Variants in HM13 observed in about 807,000 individuals in gnomAD.
HM13 encodes the protein histocompatibility minor 13, also known as signal peptide peptidase.
In HM13, 18 loss-of-function variants were observed where a neutral mutation model predicts 50.0. The observed-to-expected ratio is 0.36, with a 90% CI of 0.25 to 0.53. The LOEUF (loss-of-function observed/expected upper bound fraction) is 0.53. HM13 is among the 20% of genes least tolerant of loss of function. The probability of loss-of-function intolerance (pLI) is 0.90; values close to 1 mark genes in which losing one functional copy is unlikely to be tolerated. For missense variants in HM13, 393 were observed against 552.4 expected, an observed-to-expected ratio of 0.71 and a Z score of 2.89; for synonymous variants, 197 against 232.6, an observed-to-expected ratio of 0.85 and a Z score of 1.39.
At chr20:31,521,459 C>G (rs1428278866) in intron 1 of HM13, among the ~76,000 whole-genome samples, 2 of 152,152 alleles carry the variant, frequency 1.3e-5, no homozygotes, top group Non-Finnish European at 2.9e-5. Context: ...GGCGTGATGG[C>G]TCACGCCTGT....
At chr20:31,537,510 A>G (rs1024725130) in intron 2 of HM13, among the ~76,000 whole-genome samples, 2 of 152,246 alleles carry the variant, frequency 1.3e-5, no homozygotes, top group Non-Finnish European at 2.9e-5. Context: ...GATAGTAACA[A>G]ATTCATCAGG....
At chr20:31,522,685 TAC>T (rs1350311534) in intron 1 of HM13, among the ~76,000 whole-genome samples, 8 of 152,194 alleles carry the variant, frequency 5.3e-5, no homozygotes, top group Admixed American at 2.6e-4. Context: ...CTGACTCCCT[TAC>T]TTCTCTGCAG....
At chr20:31,519,347 C>A (rs1409187331) in intron 1 of HM13, among the ~76,000 whole-genome samples, 1 of 152,220 alleles carries the variant, frequency 6.6e-6, no homozygotes, top group Non-Finnish European at 1.5e-5. Flanking sequence ...GTGATCCACC[C>A]GCCTTGGCCT....
intron 7 of HM13, among the ~76,000 whole-genome samples, chr20:31,552,457 G>A (rs186887707): frequency 1.7e-4 from 26 of 152,298 alleles, no homozygotes; most frequent in African/African-American, 4.6e-4. Flanking sequence ...GTAGGCCACT[G>A]GAAGACTCCG....
chr20:31,529,310 A>G (rs1053014799), intron 2 of HM13, among the ~76,000 whole-genome samples: 6 of 151,478 alleles, frequency 4.0e-5, no homozygotes, highest in East Asian at 2.0e-4. Flanking sequence ...CCATAGTGCA[A>G]TCATGGCTCA....
intron 1 of HM13, among the ~76,000 whole-genome samples, chr20:31,517,047 G>A (rs940751943): frequency 2.6e-5 from 4 of 152,146 alleles, no homozygotes; most frequent in African/African-American, 9.7e-5. Context: ...AAGACAAGCA[G>A]CATTGACCTA....
chr20:31,551,712 C>T (rs1434538569), intron 7 of HM13, among the ~76,000 whole-genome samples: 1 of 152,194 alleles, frequency 6.6e-6, no homozygotes, highest in East Asian at 1.9e-4. Flanking sequence ...GAAGCACTGG[C>T]TCGTGGCGAC....
At chr20:31,523,226 T>C (rs1040770125) in intron 1 of HM13, among the ~76,000 whole-genome samples, 1 of 151,820 alleles carries the variant, frequency 6.6e-6, no homozygotes, top group Non-Finnish European at 1.5e-5. Flanking sequence ...AATTTTTGTA[T>C]TTTTAGTAGA....
intron 3 of HM13, among the ~76,000 whole-genome samples, chr20:31,543,441 A>G (rs1983554362): frequency 6.6e-6 from 1 of 151,874 alleles, no homozygotes; most frequent in Non-Finnish European, 1.5e-5. Context: ...ACCTGCCACC[A>G]CGCCGGGCTA....
Position 31,562,114 on chromosome 20 carries a change from G to A in HM13, c.948+378G>A, listed in dbSNP as rs1189069549. ...TCTCAGCCTTGGTAGTGGGAAGCAG[G>A]CAGAGAAGAACAGGATTGGAGTGGG... is the stretch of plus-strand genomic sequence containing the variant. On this transcript the variant is annotated intron_variant, in intron 10 of 12. Transcript: ENST00000398174. Among the ~76,000 whole-genome samples the A allele has an allele frequency of 2.0e-5, 3 of 152,220 alleles. No individual in the cohort carries two copies. In the East Asian group the frequency reaches 5.8e-4, roughly 29 times the overall value.
chr20:31,526,403 C>T (rs924038296), intron 1 of HM13, among the ~76,000 whole-genome samples: 4 of 151,960 alleles, frequency 2.6e-5, no homozygotes, highest in Non-Finnish European at 4.4e-5. Context: ...GTGATCCACC[C>T]GCCTCGGCCT....
intron 9 of HM13, 143 bp from the exon 10 acceptor site, chr20:31,561,491 C>G (rs1984608070): frequency 1.5e-6 from 1 of 655,098 alleles, no homozygotes. Flanking sequence ...TATCAGCGTG[C>G]ACACCCACCT....
intron 8 of HM13, among the ~76,000 whole-genome samples, chr20:31,557,047 G>A (rs1159862359): frequency 6.6e-6 from 1 of 151,924 alleles, no homozygotes; most frequent in East Asian, 1.9e-4. Flanking sequence ...AATGGTGCTA[G>A]GTACTTTTTA....
At chr20:31,564,894 G>C (rs908530319) in intron 10 of HM13, among the ~76,000 whole-genome samples, 1 of 151,046 alleles carries the variant, frequency 6.6e-6, no homozygotes, top group African/African-American at 2.4e-5. Context: ...GGCCAGGCGC[G>C]GTGTCTCACG....
At chr20:31,525,999 G>T (rs1479301039) in intron 1 of HM13, among the ~76,000 whole-genome samples, 1 of 151,978 alleles carries the variant, frequency 6.6e-6, no homozygotes, top group Non-Finnish European at 1.5e-5. Flanking sequence ...GGTGGCATGT[G>T]CCTGTAGTCC....
chr20:31,514,826 G>A lies in HM13; in HGVS notation c.183+92G>A, dbSNP rs1981673999. The A allele has an allele frequency of 3.4e-6, 4 of 1,174,034 alleles. No individual in the cohort carries two copies. Among genetic ancestry groups the A allele is most frequent in the Non-Finnish European group, 4.6e-6 (4 of 861,932 alleles). The allele number at this position is 1,174,034 out of a possible 1,614,324, so 72.7% of individuals were successfully genotyped here. A position where few individuals can be genotyped will look rare whatever the true frequency, so the allele number is the denominator to read the frequency against. ...CTAGGCGGGACAGACACCTCTCCCCGGACACTGACTCTTCCCAGCCCTGAT... is the reference window on the plus strand; with the variant it reads ...CTAGGCGGGACAGACACCTCTCCCCAGACACTGACTCTTCCCAGCCCTGAT... On this transcript the variant is annotated intron_variant, in intron 1 of 12. Coordinates refer to ENST00000398174, the MANE Select transcript of HM13 (RefSeq NM_178581.3). The surrounding 1 kb of genome is among the most constrained non-coding windows in gnomAD (Gnocchi z 4.3).
intron 1 of HM13, among the ~76,000 whole-genome samples, chr20:31,522,470 A>C (rs1039989774): frequency 6.6e-6 from 1 of 151,930 alleles, no homozygotes; most frequent in Non-Finnish European, 1.5e-5. Context: ...GCCGAGGCAG[A>C]GAATCACTTG....
intron 8 of HM13, among the ~76,000 whole-genome samples, chr20:31,559,274 C>T (rs1396145180): frequency 6.6e-6 from 1 of 152,198 alleles, no homozygotes; most frequent in Admixed American, 6.5e-5. Context: ...TGGCTGAGCT[C>T]TGTGGGAGCA....
Position 31,538,222 on chromosome 20 carries a change from T to G in HM13, c.326T>G (p.Phe109Cys). 6.2e-7 allele frequency: 1 copy of G among 1,614,118 alleles called. No homozygotes were observed. Among genetic ancestry groups the G allele is most frequent in the East Asian group, 2.2e-5 (1 of 44,878 alleles). ...ATCAACCTCCTGCTGTCCATGTATT[T>G]CTTCGTGCTGGGAATCCTGGCCCTG... ...EYINLLLSMY[F>C]FVLGILALSH... The change falls in exon 3 of 13, where the codon TTC becomes TGC. Residue 109 changes from phenylalanine to cysteine, a missense_variant. By Grantham distance (205) the Phe-to-Cys change is radical (BLOSUM62 -2). This residue lies in a region of HM13 where 214 missense variants were observed against 276.1 expected (regional missense o/e 0.77). Coordinates refer to ENST00000398174, the MANE Select transcript of HM13 (RefSeq NM_178581.3).
Sources: allele counts gnomAD v4.1 joint callset (sites outside exome capture counted in the v4.1 genomes callset), GRCh38; gene constraint gnomAD v4.1.1; regional missense constraint gnomAD v4.1.1; non-coding constraint Gnocchi (gnomAD v3.1); transcripts MANE v1.5; gene names NCBI Gene and HGNC (gene_info 2026-07-23, HGNC 2026-07-21).